PEMT: variants seen among roughly 807,000 people sequenced by gnomAD.
PEMT encodes the protein phosphatidylethanolamine N-methyltransferase.
A neutral mutation model predicts 27.4 loss-of-function variants in PEMT; 23 were observed. The observed-to-expected ratio is 0.84, with a 90% CI of 0.60 to 1.19. The LOEUF (loss-of-function observed/expected upper bound fraction) is 1.19, where lower values mean the gene tolerates loss of function less well. Ranked by LOEUF, PEMT falls within the 50% of genes most tolerant of loss-of-function variation. The pLI, the probability that PEMT is intolerant of heterozygous loss-of-function variation, is 0.00. For synonymous variants in PEMT, 137 were observed against 139.1 expected (o/e 0.98, Z 0.11); for missense variants, 307 against 310.1 (o/e 0.99, Z 0.07).
At chr17:17,543,754 G>A (rs1352708224) in intron 2 of PEMT, among the ~76,000 whole-genome samples, 3 of 152,184 alleles carry the variant, frequency 2.0e-5, no homozygotes, top group Non-Finnish European at 4.4e-5. Context: ...GCAGGGACAG[G>A]GTTTCACCAT....
At chr17:17,535,907 C>G (rs1334680271) in intron 2 of PEMT, among the ~76,000 whole-genome samples, 1 of 152,218 alleles carries the variant, frequency 6.6e-6, no homozygotes, top group Non-Finnish European at 1.5e-5. Context: ...CAGGCAGGTC[C>G]CCAACTTCCC....
At position 17,591,525 on chromosome 17, in the gene PEMT, C is replaced by A; in HGVS notation, c.96+6G>T. ...AGTTTCCGCGGCGGTCCGGTGCGGT[C>A]AGTACCTGTCTAAAATCAATATTGC... On this transcript the variant is annotated splice_donor_region_variant and intron_variant, in intron 1 of 6. Transcript: ENST00000255389. 6.2e-7 allele frequency: 1 copy of A among 1,608,390 alleles called. No homozygotes were observed. Among genetic ancestry groups the A allele is most frequent in the South Asian group, 1.1e-5 (1 of 90,740 alleles).
chr17:17,507,012 G>A (rs952088382), intron 5 of PEMT: 19 of 711,332 alleles, frequency 2.7e-5, no homozygotes, highest in South Asian at 1.7e-4. Flanking sequence ...ATGGAGCATC[G>A]CCAGGGGCTC....
intron 2 of PEMT, among the ~76,000 whole-genome samples, chr17:17,537,855 G>A (rs1405351684): frequency 1.3e-5 from 2 of 152,194 alleles, no homozygotes; most frequent in East Asian, 3.8e-4. Context: ...TTTCCTTCCC[G>A]CCACTCAGCC....
intron 1 of PEMT, chr17:17,577,470 C>G: frequency 1.9e-6 from 2 of 1,033,428 alleles, no homozygotes; most frequent in Non-Finnish European, 2.3e-6. Context: ...CTCGCCCACA[C>G]TCGACAGGGG....
intron 3 of PEMT, among the ~76,000 whole-genome samples, chr17:17,520,143 C>G (rs564682950): frequency 2.1e-3 from 321 of 152,316 alleles, no homozygotes; most frequent in Admixed American, 3.4e-3. Flanking sequence ...CCAGCACCAG[C>G]CCCCTCCCTC....
chr17:17,520,475 CT>C (rs1907182969), intron 3 of PEMT, among the ~76,000 whole-genome samples: 1 of 152,254 alleles, frequency 6.6e-6, no homozygotes, highest in Non-Finnish European at 1.5e-5. Context: ...ACCATTGCTT[CT>C]TTCCAAGCCT....
intron 3 of PEMT, among the ~76,000 whole-genome samples, chr17:17,516,138 T>G (rs1906809754): frequency 6.6e-6 from 1 of 152,100 alleles, no homozygotes; most frequent in Admixed American, 6.5e-5. Context: ...TCCACATCCA[T>G]GTGTGGCCTG....
intron 2 of PEMT, among the ~76,000 whole-genome samples, chr17:17,548,393 A>G (rs1348634670): frequency 1.3e-5 from 2 of 152,218 alleles, no homozygotes; most frequent in Non-Finnish European, 1.5e-5. Context: ...TCTGGAGACC[A>G]GGGGTCTGGG....
intron 3 of PEMT, among the ~76,000 whole-genome samples, chr17:17,515,633 G>T (rs1906769023): frequency 6.6e-6 from 1 of 152,098 alleles, no homozygotes; most frequent in African/African-American, 2.4e-5. Context: ...AGGTTTACTG[G>T]AATCTCATGG....
At chr17:17,576,522 C>A (rs1485991706) in intron 2 of PEMT, among the ~76,000 whole-genome samples, 1 of 152,226 alleles carries the variant, frequency 6.6e-6, no homozygotes, top group African/African-American at 2.4e-5. Flanking sequence ...AAGCAAGTGG[C>A]TTTACTGTGT....
At chr17:17,518,978 A>C (rs1350619184) in intron 3 of PEMT, 2 of 152,270 alleles carry the variant, frequency 1.3e-5, no homozygotes, top group Non-Finnish European at 2.9e-5. Flanking sequence ...AAAATGGTTC[A>C]TAACAGTTTA....
At chr17:17,567,668 A>G (rs2142715385) in intron 2 of PEMT, among the ~76,000 whole-genome samples, 1 of 152,396 alleles carries the variant, frequency 6.6e-6, no homozygotes, top group Middle Eastern at 3.4e-3. Context: ...AGCTGTGAGC[A>G]CAGCCCAGAC....
chr17:17,506,250 G>T lies in PEMT; in HGVS notation c.630C>A (p.Tyr210Ter), dbSNP rs1157801889. Residue 210 changes from tyrosine (Y) to a stop codon, truncating the protein, a stop_gained, in exon 6 of 7, where the codon TAC becomes TAA. Transcript: ENST00000255389. LOFTEE classifies it high-confidence loss of function. ...ACTCTTCGTATAGGAGAGCCACTATGTAGGTGAGGGCCACCAGCACCGTCA... is the reference window on the plus strand; with the variant it reads ...ACTCTTCGTATAGGAGAGCCACTATTTAGGTGAGGGCCACCAGCACCGTCA... ...LLLTVLVALTYIVALLYEEPF... is the reference protein window; with the variant it reads ...LLLTVLVALT 1.3e-6 allele frequency: 2 copies of T among 1,582,782 alleles called. No homozygotes were observed. Among genetic ancestry groups the T allele is most frequent in the South Asian group, 1.2e-5 (1 of 86,650 alleles).
intron 2 of PEMT, among the ~76,000 whole-genome samples, chr17:17,563,306 A>G (rs1001586790): frequency 2.0e-5 from 3 of 152,182 alleles, no homozygotes; most frequent in Admixed American, 6.5e-5. Flanking sequence ...CCTGGTCTAC[A>G]TGGGTGTTGT....
intron 3 of PEMT, among the ~76,000 whole-genome samples, chr17:17,514,237 A>G (rs1352254899): frequency 6.6e-6 from 1 of 152,174 alleles, no homozygotes; most frequent in East Asian, 1.9e-4. Context: ...ACATACAGAC[A>G]TGTCTTTATG....
At chr17:17,570,425 G>T in intron 2 of PEMT, 1 of 752,600 alleles carries the variant, frequency 1.3e-6, no homozygotes, top group Non-Finnish European at 1.6e-6. Context: ...GCCTGGGCTT[G>T]GGGTACTACT....
At chr17:17,578,907 C>A (rs879790783) in intron 1 of PEMT, among the ~76,000 whole-genome samples, 2 of 151,278 alleles carry the variant, frequency 1.3e-5, no homozygotes, top group African/African-American at 2.4e-5. Context: ...CACATGTACC[C>A]CAGAACTTAA....
intron 2 of PEMT, among the ~76,000 whole-genome samples, chr17:17,574,837 C>T (rs942924739): frequency 4.6e-5 from 7 of 152,168 alleles, no homozygotes; most frequent in Non-Finnish European, 7.3e-5. Flanking sequence ...TGCTGGTCAA[C>T]GTCAGGCCTG....
Sources: allele counts gnomAD v4.1 joint callset (sites outside exome capture counted in the v4.1 genomes callset), GRCh38; gene constraint gnomAD v4.1.1; transcripts MANE v1.5; gene names NCBI Gene and HGNC (gene_info 2026-07-23, HGNC 2026-07-21).